The following KIAA1217 variants were observed in gnomAD, a reference collection of about 807,000 sequenced individuals.
The protein encoded by KIAA1217 is KIAA1217.
A neutral mutation model predicts 163.9 loss-of-function variants in KIAA1217; 88 were observed. The ratio of observed to expected loss-of-function variants is 0.54; its 90% CI spans 0.45 to 0.64. The LOEUF (loss-of-function observed/expected upper bound fraction) is 0.64. Among genes scored for constraint, KIAA1217 ranks in the 30% least tolerant of loss-of-function variants. The pLI is 0.00. For missense variants in KIAA1217, 2,372 were observed against 2,475.0 expected (o/e 0.96, Z 0.88); for synonymous variants, 903 against 923.1 (o/e 0.98, Z 0.39).
At chr10:24,516,500 A>T (rs1053136746) in intron 10 of KIAA1217, among the ~76,000 whole-genome samples, 2 of 152,152 alleles carry the variant, frequency 1.3e-5, no homozygotes, top group African/African-American at 2.4e-5. Context: ...GGGCTTAGGA[A>T]TCTGCAGTTT....
intron 1 of KIAA1217, among the ~76,000 whole-genome samples, chr10:23,985,287 A>T (rs1335061303): frequency 1.3e-5 from 2 of 152,186 alleles, no homozygotes; most frequent in African/African-American, 4.8e-5. Context: ...AAACACTTTC[A>T]TATGTCAACT....
chr10:24,330,104 A>C (rs988356097), intron 2 of KIAA1217, among the ~76,000 whole-genome samples: 1 of 152,094 alleles, frequency 6.6e-6, no homozygotes. Context: ...GTTGGAGACC[A>C]GCCTGGCCAA....
rs748580908 is a variant in KIAA1217, at chr10:24,544,140, G to A, written c.4870G>A (p.Glu1624Lys). ...LKQHKEAKRF[E>K]IARSQPEDTP... is the part of the protein sequence containing the mutation. ...ACAGCACAAAGAAGCCAAGCGCTTC[G>A]AAATCGCTAGGTCTCAACCTGAAGA... The change falls in exon 19 of 21, where the codon GAA (glutamate) becomes AAA (lysine). Residue 1624 changes from glutamate to lysine, a missense_variant. Coordinates refer to ENST00000376454, the MANE Select transcript of KIAA1217 (RefSeq NM_019590.5). 2.4e-5 allele frequency: 38 copies of A among 1,613,962 alleles called. No individual in the cohort carries two copies. The Admixed American group carries it at 3.8e-4, about 16-fold the overall frequency.
At chr10:24,366,173 A>G (rs1159946638) in intron 2 of KIAA1217, among the ~76,000 whole-genome samples, 2 of 152,166 alleles carry the variant, frequency 1.3e-5, no homozygotes, top group Non-Finnish European at 2.9e-5. Context: ...AGTCGGATGC[A>G]GTGGCTCACA....
chr10:24,510,589 A>G (rs2068962436), intron 9 of KIAA1217, among the ~76,000 whole-genome samples: 2 of 152,062 alleles, frequency 1.3e-5, no homozygotes, highest in Middle Eastern at 3.2e-3. Context: ...TCACTCTTAG[A>G]CCCATTTAAT....
intron 1 of KIAA1217, among the ~76,000 whole-genome samples, chr10:23,770,643 G>A (rs1483611123): frequency 6.6e-6 from 1 of 152,200 alleles, no homozygotes; most frequent in Non-Finnish European, 1.5e-5. Flanking sequence ...TTCTGAGAGA[G>A]TGATCATCAT....
chr10:24,311,369 G>A (rs1211091190), intron 2 of KIAA1217, among the ~76,000 whole-genome samples: 1 of 152,094 alleles, frequency 6.6e-6, no homozygotes, highest in Non-Finnish European at 1.5e-5. Flanking sequence ...GTCCTCGCTG[G>A]GCTTGTCTCT....
intron 1 of KIAA1217, among the ~76,000 whole-genome samples, chr10:23,937,493 A>G (rs1254194987): frequency 6.6e-6 from 1 of 152,192 alleles, no homozygotes; most frequent in East Asian, 1.9e-4. Flanking sequence ...TACATCCGGC[A>G]GTACTGTCCC....
chr10:24,536,028 A>G (rs2073956985), intron 16 of KIAA1217, among the ~76,000 whole-genome samples: 1 of 151,918 alleles, frequency 6.6e-6, no homozygotes, highest in Admixed American at 6.6e-5. Context: ...TTCTCTCATG[A>G]TCATATTATC....
chr10:24,490,290 C>T (rs956205011), intron 6 of KIAA1217, among the ~76,000 whole-genome samples: 7 of 152,134 alleles, frequency 4.6e-5, no homozygotes, highest in African/African-American at 9.7e-5. Flanking sequence ...TTAAACCAAG[C>T]GATATTGGCA....
intron 1 of KIAA1217, among the ~76,000 whole-genome samples, chr10:23,888,232 A>C (rs1356764530): frequency 6.6e-6 from 1 of 151,920 alleles, no homozygotes; most frequent in Non-Finnish European, 1.5e-5. Context: ...CTGACATTAA[A>C]CCTTGGGACT....
intron 3 of KIAA1217, among the ~76,000 whole-genome samples, chr10:24,397,154 C>T (rs2055891478): frequency 6.7e-6 from 1 of 149,094 alleles, no homozygotes. Context: ...CTCTGTCACC[C>T]AGGCTGGAGT....
intron 2 of KIAA1217, among the ~76,000 whole-genome samples, chr10:24,131,373 C>T (rs1179422877): frequency 1.3e-5 from 2 of 152,094 alleles, no homozygotes; most frequent in Non-Finnish European, 1.5e-5. Flanking sequence ...CAAATGGAAC[C>T]GTTATTTTGA....
chr10:23,790,557 G>GTA (rs1564424234), intron 1 of KIAA1217, among the ~76,000 whole-genome samples: 1 of 69,484 alleles, frequency 1.4e-5, no homozygotes, highest in African/African-American at 1.1e-4. Context: ...ATATACATAT[G>GTA]TACATATGTA....
intron 2 of KIAA1217, among the ~76,000 whole-genome samples, chr10:24,138,403 C>T (rs1419913569): frequency 1.3e-5 from 2 of 152,172 alleles, no homozygotes; most frequent in Non-Finnish European, 2.9e-5. Context: ...CTGTTTCAGC[C>T]TCCCAGAGTG....
intron 3 of KIAA1217, among the ~76,000 whole-genome samples, chr10:24,382,017 CTTTT>C (rs111726524): frequency 1.4e-5 from 2 of 142,088 alleles, no homozygotes; most frequent in African/African-American, 2.6e-5. Context: ...GTATCATTTC[CTTTT>C]TTTTTTTTTT....
intron 6 of KIAA1217, among the ~76,000 whole-genome samples, chr10:24,488,852 T>C (rs2065738705): frequency 6.6e-6 from 1 of 152,190 alleles, no homozygotes; most frequent in Non-Finnish European, 1.5e-5. Context: ...ATCAAAGAGT[T>C]TTAGTTCAGG....
intron 5 of KIAA1217, among the ~76,000 whole-genome samples, chr10:24,441,450 A>G (rs2060490548): frequency 6.6e-6 from 1 of 152,158 alleles, no homozygotes; most frequent in South Asian, 2.1e-4. Context: ...AAAACTCTCC[A>G]TCTAAAACAG....
At chr10:23,742,992 A>G (rs1319647165) in intron 1 of KIAA1217, among the ~76,000 whole-genome samples, 2 of 152,084 alleles carry the variant, frequency 1.3e-5, no homozygotes, top group Non-Finnish European at 2.9e-5. Flanking sequence ...GGCTGCCCAA[A>G]CCTGTTCTGC....
Sources: gnomAD v4.1 joint callset for allele counts (sites outside exome capture counted in the v4.1 genomes callset) on GRCh38, gnomAD v4.1.1 for gene constraint, MANE v1.5 for transcripts, NCBI Gene and HGNC (gene_info 2026-07-23, HGNC 2026-07-21) for gene names.